ELFN1: variants seen among roughly 807,000 people sequenced by gnomAD.
The protein encoded by ELFN1 is protein ELFN1.
Under a neutral mutation model 7.6 loss-of-function variants are expected in ELFN1, and 6 were observed. The ratio of observed to expected loss-of-function variants is 0.79; its 90% CI spans 0.43 to 1.56. The LOEUF (loss-of-function observed/expected upper bound fraction) is 1.56. Ranked by LOEUF, ELFN1 falls within the 40% of genes most tolerant of loss-of-function variation. ELFN1 has a pLI of 0.01. For synonymous variants in ELFN1, 657 were observed against 588.1 expected (o/e 1.12, Z -1.70); for missense variants, 1,169 against 1,232.2 (o/e 0.95, Z 0.77).
chr7:1,681,246 C>G (rs1778970188), intron 1 of ELFN1, among the ~76,000 whole-genome samples: 1 of 152,246 alleles, frequency 6.6e-6, no homozygotes, highest in African/African-American at 2.4e-5. Context: ...TTATCCAAAA[C>G]ACATGCAGAG....
At chr7:1,730,395 C>T (rs1433945867) in intron 3 of ELFN1, among the ~76,000 whole-genome samples, 1 of 152,150 alleles carries the variant, frequency 6.6e-6, no homozygotes, top group Admixed American at 6.5e-5. Context: ...TGAAACCCCA[C>T]CCTGATCTCA....
intron 3 of ELFN1, among the ~76,000 whole-genome samples, chr7:1,721,823 AG>A (rs1310932515): frequency 6.6e-6 from 1 of 152,174 alleles, no homozygotes; most frequent in Non-Finnish European, 1.5e-5. Context: ...GGGAACGAGA[AG>A]GCCCAAGCTC....
intron 1 of ELFN1, among the ~76,000 whole-genome samples, chr7:1,676,658 G>A (rs558148459): frequency 1.3e-5 from 2 of 152,336 alleles, no homozygotes; most frequent in African/African-American, 4.8e-5. Context: ...TCTGTGCCCT[G>A]CTGTGCAAAG....
intron 1 of ELFN1, among the ~76,000 whole-genome samples, chr7:1,680,269 G>A (rs1452436863): frequency 6.6e-6 from 1 of 152,208 alleles, no homozygotes; most frequent in East Asian, 1.9e-4. Context: ...TCACGTAGGG[G>A]AACAAATTGT....
At chr7:1,681,063 C>T (rs1778967147) in intron 1 of ELFN1, among the ~76,000 whole-genome samples, 1 of 152,120 alleles carries the variant, frequency 6.6e-6, no homozygotes, top group Non-Finnish European at 1.5e-5. Flanking sequence ...ATTTAATGGA[C>T]ATTTCACATC....
chr7:1,741,129 CAAAAA>C lies in ELFN1; in HGVS notation c.-293-3160_-293-3156del, dbSNP rs34300810. 6.8e-4 allele frequency among the ~76,000 whole-genome samples: 80 copies of C among 116,854 alleles called. 1 individual carries two copies. The highest frequency in any genetic ancestry group is 2.5e-3 in the African/African-American group (77 of 30,342). 76.7% of individuals were successfully genotyped at this position (116,854 alleles called of 152,430 possible). On this transcript the variant is annotated intron_variant, in intron 3 of 3. Transcript: ENST00000424383. ...TGGGTGACAGAGCAAGACTCTGTCTCAAAAAAAAAAAAAAAAAAAGAAGAAAGAAA... is the reference window on the plus strand; with the variant it reads ...TGGGTGACAGAGCAAGACTCTGTCTCAAAAAAAAAAAAAAGAAGAAAGAAA...
At chr7:1,707,465 C>A (rs969005503) in intron 2 of ELFN1, among the ~76,000 whole-genome samples, 1 of 152,172 alleles carries the variant, frequency 6.6e-6, no homozygotes, top group Non-Finnish European at 1.5e-5. Flanking sequence ...TCTGCCCTCC[C>A]AGCGCGGGAA....
intron 1 of ELFN1, among the ~76,000 whole-genome samples, chr7:1,679,238 T>C (rs1056395888): frequency 6.6e-6 from 1 of 152,076 alleles, no homozygotes. Flanking sequence ...CAGCCAGGGC[T>C]CTGTACCCTG....
chr7:1,704,141 CTGT>C (rs1395082117), intron 2 of ELFN1, among the ~76,000 whole-genome samples: 1 of 152,224 alleles, frequency 6.6e-6, no homozygotes, highest in Non-Finnish European at 1.5e-5. Context: ...TGCACAACCG[CTGT>C]TGTTCTTGTT....
At chr7:1,728,997 T>C (rs1205927304) in intron 3 of ELFN1, among the ~76,000 whole-genome samples, 1 of 152,182 alleles carries the variant, frequency 6.6e-6, no homozygotes, top group East Asian at 1.9e-4. Flanking sequence ...AAGGACATTC[T>C]GCAAATCACC....
At chr7:1,668,842 C>A (rs1161930527), upstream of ELFN1, among the ~76,000 whole-genome samples, 1 of 152,258 alleles carries the variant, frequency 6.6e-6, no homozygotes, top group Non-Finnish European at 1.5e-5. Flanking sequence ...CCACCGGTGC[C>A]CTTCCTGCCG....
At chr7:1,707,012 C>A (rs966444379) in intron 2 of ELFN1, among the ~76,000 whole-genome samples, 1 of 152,178 alleles carries the variant, frequency 6.6e-6, no homozygotes, top group Non-Finnish European at 1.5e-5. Context: ...GTGCAACACA[C>A]GTACACGTGT....
intron 1 of ELFN1, among the ~76,000 whole-genome samples, chr7:1,679,340 A>G (rs898484661): frequency 6.6e-6 from 1 of 152,096 alleles, no homozygotes; most frequent in Non-Finnish European, 1.5e-5. Context: ...ACGGCTGCAC[A>G]TCCCCCTCCC....
chr7:1,682,526 G>A (rs139985101), intron 1 of ELFN1, among the ~76,000 whole-genome samples: 46 of 151,922 alleles, frequency 3.0e-4, no homozygotes, highest in Middle Eastern at 6.8e-3. Flanking sequence ...CTGAAGCCTC[G>A]AATTCCTGGG....
At position 1,745,169 on chromosome 7, in the gene ELFN1, C is replaced by A. The variant is rs1412877619; in HGVS notation, c.573C>A (p.Pro191=). 1 of 1,549,088 alleles carries A rather than the reference C, an allele frequency of 6.5e-7. No homozygotes were observed. The change falls in exon 4 of 4, where the codon CCC becomes CCA. Residue 191 remains proline (P), a synonymous_variant. Transcript: ENST00000424383. The part of the protein sequence containing the change: ...KLSVCELYSN[P]FYCSCELLGF... ...CGGTGTGCGAGCTCTACAGCAACCC[C>A]TTCTACTGCTCCTGCGAGCTGCTGG...
At chr7:1,736,654 G>A (rs1476843414) in intron 3 of ELFN1, among the ~76,000 whole-genome samples, 3 of 152,218 alleles carry the variant, frequency 2.0e-5, no homozygotes, top group Non-Finnish European at 2.9e-5. Context: ...GATGTCATAA[G>A]GGCTCCAGCT....
At position 1,735,596 on chromosome 7, in the gene ELFN1, C is replaced by T. The variant is rs542955205; in HGVS notation, c.-293-8708C>T. Among the ~76,000 whole-genome samples, 31 of 152,154 alleles carry T rather than the reference C, an allele frequency of 2.0e-4. No homozygotes were observed. Among genetic ancestry groups the T allele is most frequent in the African/African-American group, 6.5e-4 (27 of 41,512 alleles). ...TGGACAATAGGATGGGAGCAGGGAG[C>T]GGAAGAGAGGACTGGGTCTGGGGGA... On this transcript the variant is annotated intron_variant, in intron 3 of 3. Transcript: ENST00000424383. This position sits in a 1 kb window ranked among gnomAD's most constrained non-coding sequence, Gnocchi z 5.9.
chr7:1,732,867 C>T (rs903796476), intron 3 of ELFN1, among the ~76,000 whole-genome samples: 1 of 152,106 alleles, frequency 6.6e-6, no homozygotes, highest in Admixed American at 6.5e-5. Context: ...CGGGGAAAGG[C>T]TGTGTGATGA....
intron 2 of ELFN1, among the ~76,000 whole-genome samples, chr7:1,689,100 T>C (rs1383341542): frequency 6.6e-6 from 1 of 152,236 alleles, no homozygotes; most frequent in Non-Finnish European, 1.5e-5. Context: ...ACACAGTATG[T>C]AACATTTTGG....
Sources: allele counts gnomAD v4.1 joint callset (sites outside exome capture counted in the v4.1 genomes callset), GRCh38; gene constraint gnomAD v4.1.1; non-coding constraint Gnocchi (gnomAD v3.1); transcripts MANE v1.5; gene names NCBI Gene and HGNC (gene_info 2026-07-23, HGNC 2026-07-21).